ESR1: variants seen among roughly 807,000 people sequenced by gnomAD.
ESR1 encodes estrogen receptor.
In ESR1, 12 loss-of-function variants were observed where a neutral mutation model predicts 52.7. That is an observed-to-expected ratio of 0.23 (90% CI 0.15 to 0.37). The LOEUF (loss-of-function observed/expected upper bound fraction) is 0.37, where lower values mean the gene tolerates loss of function less well. Among genes scored for constraint, ESR1 ranks in the 10% least tolerant of loss-of-function variants. The probability of loss-of-function intolerance (pLI) is 1.00; values close to 1 mark genes in which losing one functional copy is unlikely to be tolerated. For synonymous variants in ESR1, 305 were observed against 316.8 expected (o/e 0.96, Z 0.39); for missense variants, 584 against 779.7 (o/e 0.75, Z 2.99).
At chr6:151,901,127 G>C (rs761646782) in intron 3 of ESR1, among the ~76,000 whole-genome samples, 6 of 152,168 alleles carry the variant, frequency 3.9e-5, no homozygotes, top group Admixed American at 6.5e-5. Context: ...AGGCTGTGCT[G>C]TGGGGCAGGG....
chr6:151,861,669 C>T (rs1788913779), intron 2 of ESR1, among the ~76,000 whole-genome samples: 1 of 152,150 alleles, frequency 6.6e-6, no homozygotes, highest in African/African-American at 2.4e-5. Flanking sequence ...ATGACTTCCC[C>T]ACATTCCTGG....
At chr6:151,985,693 T>C (rs1451765398) in intron 4 of ESR1, among the ~76,000 whole-genome samples, 1 of 151,976 alleles carries the variant, frequency 6.6e-6, no homozygotes, top group African/African-American at 2.4e-5. Context: ...TTTGAGACAG[T>C]GTCTCACGCT....
intron 7 of ESR1, among the ~76,000 whole-genome samples, chr6:152,096,843 A>G (rs761090355): frequency 1.3e-5 from 2 of 152,182 alleles, no homozygotes; most frequent in Non-Finnish European, 2.9e-5. Context: ...CTTACCCTGG[A>G]GGAAAACATA....
At chr6:152,097,441 C>T (rs2050707467) in intron 7 of ESR1, among the ~76,000 whole-genome samples, 1 of 151,576 alleles carries the variant, frequency 6.6e-6, no homozygotes, top group Non-Finnish European at 1.5e-5. Context: ...TAATTTAGAT[C>T]ATGCTGTAGG....
chr6:151,657,578 A>G (rs530939780), intron 1 of ESR1, among the ~76,000 whole-genome samples: 1 of 152,266 alleles, frequency 6.6e-6, no homozygotes, highest in South Asian at 2.1e-4. Context: ...TACAAAATGT[A>G]TTGGGTGAAA....
At chr6:151,972,036 T>TA (rs1358197072) in intron 4 of ESR1, among the ~76,000 whole-genome samples, 1 of 151,892 alleles carries the variant, frequency 6.6e-6, no homozygotes, top group Non-Finnish European at 1.5e-5. Context: ...TTTACACACA[T>TA]AAACTAGAAA....
chr6:152,026,488 A>G (rs1164109284), intron 5 of ESR1, among the ~76,000 whole-genome samples: 3 of 151,942 alleles, frequency 2.0e-5, no homozygotes, highest in African/African-American at 4.8e-5. Context: ...TCTATTTTAC[A>G]TAGTCTACAA....
At chr6:152,027,872 G>A (rs916980195) in intron 5 of ESR1, among the ~76,000 whole-genome samples, 4 of 152,020 alleles carry the variant, frequency 2.6e-5, no homozygotes, top group Admixed American at 6.6e-5. Context: ...GGGCGGGTGC[G>A]GTGGCTCATG....
chr6:151,827,285 G>A (rs1781655460), intron 1 of ESR1, among the ~76,000 whole-genome samples: 2 of 151,216 alleles, frequency 1.3e-5, no homozygotes, highest in South Asian at 4.2e-4. Flanking sequence ...CTTGAGTCCA[G>A]GAGGTGGAGG....
intron 2 of ESR1, among the ~76,000 whole-genome samples, chr6:151,733,913 G>A (rs1383551889): frequency 2.0e-5 from 3 of 152,136 alleles, no homozygotes; most frequent in African/African-American, 7.2e-5. Flanking sequence ...CCCTCCACCG[G>A]ATGCCTCTAT....
Position 151,722,424 on chromosome 6 carries a change from A to C in ESR1, c.-71+20419A>C, listed in dbSNP as rs1364402602. 3.3e-5 allele frequency among the ~76,000 whole-genome samples: 5 copies of C among 152,228 alleles called. No individual in the cohort carries two copies. In the East Asian group the frequency reaches 9.6e-4, roughly 29 times the overall value. Reference sequence around the variant, plus strand: ...CCTGGCTTAGGGAGGGAGCAGTGACAATCAGAGAAAAAGGCAGATAGGGGC... The same window carrying C: ...CCTGGCTTAGGGAGGGAGCAGTGACCATCAGAGAAAAAGGCAGATAGGGGC... On this transcript the variant is annotated intron_variant, in intron 2 of 2. Coordinates refer to the ESR1 transcript ENST00000404742.
intron 1 of ESR1, among the ~76,000 whole-genome samples, chr6:151,823,536 T>C (rs2128195633): frequency 6.6e-6 from 1 of 152,328 alleles, no homozygotes; most frequent in East Asian, 1.9e-4. Context: ...GTTTGTTACA[T>C]ATGTATACAT....
At chr6:151,807,463 C>T (rs749514388), upstream of ESR1, 41 of 250,388 alleles carry the variant, frequency 1.6e-4, no homozygotes, top group Non-Finnish European at 2.3e-4. Context: ...CGCCCCCGCC[C>T]CCTGGCCGTG....
chr6:152,122,517 G>C, intron 6 of ESR1: 1 of 1,614,106 alleles, frequency 6.2e-7, no homozygotes. Context: ...CACAGCTGTA[G>C]TCTTCCTCTG....
At chr6:152,018,275 G>T (rs1361962203) in intron 5 of ESR1, among the ~76,000 whole-genome samples, 1 of 151,062 alleles carries the variant, frequency 6.6e-6, no homozygotes, top group East Asian at 2.0e-4. Flanking sequence ...TTTCATTTTA[G>T]GTTGTTTATT....
At chr6:151,689,123 C>T (rs979441864), upstream of ESR1, among the ~76,000 whole-genome samples, 1 of 152,156 alleles carries the variant, frequency 6.6e-6, no homozygotes, top group Non-Finnish European at 1.5e-5. Context: ...ATTTTCATCT[C>T]TGTATTGATG....
chr6:151,799,141 A>G (rs2128140200), intron 2 of ESR1, among the ~76,000 whole-genome samples: 1 of 152,322 alleles, frequency 6.6e-6, no homozygotes, highest in African/African-American at 2.4e-5. Context: ...AAAAGTCAGA[A>G]GAATGCGGCA....
At chr6:151,715,437 A>G (rs1474775231) in intron 2 of ESR1, among the ~76,000 whole-genome samples, 1 of 151,826 alleles carries the variant, frequency 6.6e-6, no homozygotes, top group Non-Finnish European at 1.5e-5. Flanking sequence ...GTGTTTTCCA[A>G]CTTGGTTCCA....
intron 5 of ESR1, among the ~76,000 whole-genome samples, chr6:152,017,730 T>G (rs2043273927): frequency 2.0e-5 from 3 of 151,988 alleles, no homozygotes; most frequent in African/African-American, 7.3e-5. Flanking sequence ...ACTCATTCCT[T>G]GTGGGGTCTC....
Sources: allele counts gnomAD v4.1 joint callset (sites outside exome capture counted in the v4.1 genomes callset), GRCh38; gene constraint gnomAD v4.1.1; transcripts MANE v1.5; gene names NCBI Gene and HGNC (gene_info 2026-07-23, HGNC 2026-07-21).